EIF5A: variants seen among roughly 807,000 people sequenced by gnomAD.
EIF5A encodes eukaryotic translation initiation factor 5A.
Under a neutral mutation model 16.6 loss-of-function variants are expected in EIF5A, and 1 was observed. The observed-to-expected ratio is 0.06, with a 90% CI of 0.02 to 0.28. The LOEUF is 0.28. Ranked by LOEUF, EIF5A falls within the 10% of genes least tolerant of loss-of-function variation. The pLI, the probability that EIF5A is intolerant of heterozygous loss-of-function variation, is 1.00. For missense variants in EIF5A, 29 were observed against 196.1 expected (o/e 0.15, Z 5.09); for synonymous variants, 80 against 73.6 (o/e 1.09, Z -0.44).
rs1272268691 is a variant in EIF5A, at chr17:7,309,740, C to G, written c.105C>G (p.Gly35=). 2 of 1,614,092 alleles carry G rather than the reference C, an allele frequency of 1.2e-6. No individual in the cohort carries two copies. Among genetic ancestry groups the G allele is most frequent in the African/African-American group, 2.7e-5 (2 of 74,914 alleles). The stretch of plus-strand genomic sequence containing the variant: ...AGAATGGCTTTGTGGTGCTCAAAGG[C>G]CGGCCATGTAAGATCGTCGAGATGT... ...LRKNGFVVLK[G]RPCKIVEMST... is the part of the protein sequence containing the mutation. The change falls in exon 2 of 6, where the codon GGC becomes GGG. Residue 35 remains glycine, a synonymous_variant. Coordinates refer to ENST00000336458, the MANE Select transcript of EIF5A (RefSeq NM_001970.5).
chr17:7,309,809 T>A lies in EIF5A; in HGVS notation c.165+9T>A. On this transcript the variant is annotated intron_variant, in intron 2 of 5. Coordinates refer to ENST00000336458, the MANE Select transcript of EIF5A (RefSeq NM_001970.5). Reference sequence around the variant, plus strand: ...AGCACGGCCACGCCAAGGTTAGAATTTCACCTCCGCATCTTGCCTTCCCCA... The same window carrying A: ...AGCACGGCCACGCCAAGGTTAGAATATCACCTCCGCATCTTGCCTTCCCCA... 4 of 1,614,234 alleles carry A rather than the reference T, an allele frequency of 2.5e-6. No homozygotes were observed. The highest frequency in any genetic ancestry group is 3.4e-6 in the Non-Finnish European group (4 of 1,180,042).
At chr17:7,309,825 G>A in intron 2 of EIF5A, 25 bp downstream of exon 2, 1 of 1,614,098 alleles carries the variant, frequency 6.2e-7, no homozygotes, top group Non-Finnish European at 8.5e-7. Flanking sequence ...TCCGCATCTT[G>A]CCTTCCCCAT....
chr17:7,310,964 A>G, intron 2 of EIF5A, 54 bp from the exon 3 acceptor site: 4 of 1,561,992 alleles, frequency 2.6e-6, no homozygotes, highest in Non-Finnish European at 3.5e-6. Flanking sequence ...TTGAGCCTTT[A>G]TTTCCTCCGT....
Position 7,307,765 on chromosome 17 carries a change from A to G in EIF5A, c.-22+13A>G. 2 of 992,224 alleles carry G rather than the reference A, an allele frequency of 2.0e-6. No individual in the cohort carries two copies. The highest frequency in any genetic ancestry group is 2.4e-6 in the Non-Finnish European group (2 of 837,962). 61.5% of individuals were successfully genotyped at this position (992,224 alleles called of 1,614,324 possible). A position where few individuals can be genotyped will look rare whatever the true frequency, so the allele number is the denominator to read the frequency against. On this transcript the variant is annotated intron_variant, in intron 1 of 5. Coordinates refer to ENST00000336458, the MANE Select transcript of EIF5A (RefSeq NM_001970.5). ...GCGTTCGCGCGAGGTGAGAGCGGGC[A>G]GGGCGCGTGTGCGCGGTACCTTGGC...
At chr17:7,307,488 G>C, upstream of EIF5A, 22 of 1,042,626 alleles carry the variant, frequency 2.1e-5, no homozygotes, top group Non-Finnish European at 2.4e-5. Context: ...GTCATTGGAC[G>C]GGTCGGTGGG....
In EIF5A at chr17:7,311,816, A is replaced by T. The variant is rs1311684215; in HGVS notation, c.*12-6A>T. The T allele has an allele frequency of 3.1e-6, 3 of 977,602 alleles. No individual in the cohort carries two copies. The highest frequency in any genetic ancestry group is 3.3e-5 in the African/African-American group (2 of 60,986). The allele number at this position is 977,602 out of a possible 1,614,324, so 60.6% of individuals were successfully genotyped here. On this transcript the variant is annotated splice_region_variant and splice_polypyrimidine_tract_variant and intron_variant, in intron 5 of 5. Transcript: ENST00000336458. ...CCTGTCTTACTAATTTCTCTCTCCTACCTAGGGTGGCGGTGGTGGCAGCAG... is the reference window on the plus strand; with the variant it reads ...CCTGTCTTACTAATTTCTCTCTCCTTCCTAGGGTGGCGGTGGTGGCAGCAG...
At chr17:7,308,291 T>G in intron 1 of EIF5A, 1 of 1,126,492 alleles carries the variant, frequency 8.9e-7, no homozygotes, top group Non-Finnish European at 1.1e-6. Context: ...TGGCCAAGCG[T>G]GGACCGGGGC....
chr17:7,308,806 A>G (rs1281809974), intron 1 of EIF5A, among the ~76,000 whole-genome samples: 1 of 152,032 alleles, frequency 6.6e-6, no homozygotes, highest in African/African-American at 2.4e-5. Context: ...ATGATTTTCT[A>G]CTACTCACTA....
Position 7,312,268 on chromosome 17 carries a change from C to T in EIF5A, c.*458C>T, listed in dbSNP as rs942076954. The T allele has an allele frequency of 2.2e-5, 4 of 184,208 alleles. No homozygotes were observed. The highest frequency in any genetic ancestry group is 1.3e-4 in the South Asian group (1 of 7,920). 11.4% of individuals were successfully genotyped at this position (184,208 alleles called of 1,614,324 possible). The stretch of plus-strand genomic sequence containing the variant: ...CCAACAGACTGGGGACCAGCCCCCT[C>T]GCCTGCCTGTGTCTCTCCCCAAACC... On this transcript the variant is annotated 3_prime_UTR_variant, in exon 6 of 6. Transcript: ENST00000336458.
At position 7,310,836 on chromosome 17, in the gene EIF5A, C is replaced by T. The variant is rs932484680; in HGVS notation, c.166-182C>T. The T allele has an allele frequency of 6.1e-6, 6 of 985,206 alleles. No individual in the cohort carries two copies. In the African/African-American group the frequency reaches 1.0e-4, roughly 17 times the overall value. 61.0% of individuals were successfully genotyped at this position (985,206 alleles called of 1,614,324 possible). A position where few individuals can be genotyped will look rare whatever the true frequency, so the allele number is the denominator to read the frequency against. On this transcript the variant is annotated intron_variant, in intron 2 of 5. Coordinates refer to ENST00000336458, the MANE Select transcript of EIF5A (RefSeq NM_001970.5). ...CCCAATCTCAACGGTGGTTTTTTAGCCTCTGTTTTTTTTCTTTAAGAGGCT... is the reference window on the plus strand; with the variant it reads ...CCCAATCTCAACGGTGGTTTTTTAGTCTCTGTTTTTTTTCTTTAAGAGGCT...
chr17:7,308,257 C>G, intron 1 of EIF5A: 1 of 1,047,020 alleles, frequency 9.6e-7, no homozygotes. Flanking sequence ...CCACGGGAGG[C>G]TGCCCTCGGG....
At position 7,310,193 on chromosome 17, in the gene EIF5A, C is replaced by T. The variant is rs527538051; in HGVS notation, c.165+393C>T. 176 of 1,292,296 alleles carry T rather than the reference C, an allele frequency of 1.4e-4. No homozygotes were observed. The African/African-American group carries it at 1.6e-3, about 12-fold the overall frequency. 80.1% of individuals were successfully genotyped at this position (1,292,296 alleles called of 1,614,324 possible). ...GTTGCCCAGGGTTTCTCCAATTCTA[C>T]GCCTTCCCCTGGAGGGACTCCTGCG... is the stretch of plus-strand genomic sequence containing the variant. On this transcript the variant is annotated intron_variant, in intron 2 of 5. Transcript: ENST00000336458.
intron 1 of EIF5A, chr17:7,307,995 C>T (rs1230827592): frequency 1.0e-6 from 1 of 985,102 alleles, no homozygotes; most frequent in Non-Finnish European, 1.2e-6. Context: ...AGCCGCGAGG[C>T]AGCCACGCGG....
At position 7,311,131 on chromosome 17, in the gene EIF5A, ATGG is replaced by A. The variant is rs1248315375; in HGVS notation, c.270+11_270+13del. On this transcript the variant is annotated intron_variant, in intron 3 of 5. Transcript: ENST00000336458. ...AAAGGAATGACTTCCAGGTATGTAG[ATGG>A]TCTGGATGAGGATGGGTTAGCGGTT... 5.6e-6 allele frequency: 9 copies of A among 1,613,074 alleles called. No individual in the cohort carries two copies. Among genetic ancestry groups the A allele is most frequent in the Non-Finnish European group, 6.8e-6 (8 of 1,179,394 alleles).
In EIF5A at chr17:7,309,762, A is replaced by T; in HGVS notation, c.127A>T (p.Met43Leu). 6.2e-7 allele frequency: 1 copy of T among 1,614,216 alleles called. No individual in the cohort carries two copies. The highest frequency in any genetic ancestry group is 8.5e-7 in the Non-Finnish European group (1 of 1,180,042). The change falls in exon 2 of 6, where the codon ATG becomes TTG. Residue 43 changes from methionine to leucine, a missense_variant. Met to Leu is a conservative substitution (Grantham distance 15). Coordinates refer to ENST00000336458, the MANE Select transcript of EIF5A (RefSeq NM_001970.5). ...AGGCCGGCCATGTAAGATCGTCGAG[A>T]TGTCTACTTCGAAGACTGGCAAGCA... ...LKGRPCKIVEMSTSKTGKHGH... is the reference protein window; with the variant it reads ...LKGRPCKIVELSTSKTGKHGH...
intron 2 of EIF5A, 157 bp downstream of exon 2, chr17:7,309,957 C>G (rs762069660): frequency 3.9e-6 from 6 of 1,546,474 alleles, no homozygotes; most frequent in Non-Finnish European, 5.2e-6. Context: ...ATTCAGACAA[C>G]TACACCTGCT....
chr17:7,308,442 G>C, intron 1 of EIF5A: 2 of 1,329,880 alleles, frequency 1.5e-6, no homozygotes, highest in Non-Finnish European at 9.9e-7. Context: ...AGATTTTGAG[G>C]AGTGGAAGCC....
chr17:7,310,347 C>T (rs2072782449), intron 2 of EIF5A: 4 of 1,231,774 alleles, frequency 3.2e-6, no homozygotes, highest in Non-Finnish European at 4.1e-6. Flanking sequence ...CTTGAGCCTC[C>T]ATGCTTTCAT....
chr17:7,311,791 C>T (rs1473223811), intron 5 of EIF5A, 31 bp from the exon 6 acceptor site: 8 of 1,157,614 alleles, frequency 6.9e-6, no homozygotes, highest in African/African-American at 1.5e-5. Flanking sequence ...AAGGTATTAT[C>T]CTGTCTTACT....
Sources: gnomAD v4.1 joint callset for allele counts (sites outside exome capture counted in the v4.1 genomes callset) on GRCh38, gnomAD v4.1.1 for gene constraint, MANE v1.5 for transcripts, NCBI Gene and HGNC (gene_info 2026-07-23, HGNC 2026-07-21) for gene names.